Variants in SIRT3 observed in about 807,000 individuals in gnomAD.
SIRT3 encodes NAD-dependent protein deacetylase sirtuin-3, mitochondrial.
SIRT3 carries 26 observed loss-of-function variants against 33.5 expected under a neutral mutation model. That is an observed-to-expected ratio of 0.78 (90% CI 0.57 to 1.08). The LOEUF is 1.08. Among genes scored for constraint, SIRT3 ranks in the 50% least tolerant of loss-of-function variants. The pLI, the probability that SIRT3 is intolerant of heterozygous loss-of-function variation, is 0.00. For synonymous variants in SIRT3, 237 were observed against 222.1 expected, an observed-to-expected ratio of 1.07 and a Z score of -0.60; for missense variants, 585 against 530.1, an observed-to-expected ratio of 1.10 and a Z score of -1.02.
intron 1 of SIRT3, among the ~76,000 whole-genome samples, chr11:234,213 A>T (rs1858540138): frequency 6.6e-6 from 1 of 152,206 alleles, no homozygotes; most frequent in African/African-American, 2.4e-5. Flanking sequence ...CATGGTGTGA[A>T]ATTCACTGGG....
chr11:225,076 C>CAA (rs199979288), intron 4 of SIRT3, among the ~76,000 whole-genome samples: 3 of 132,812 alleles, frequency 2.3e-5, no homozygotes, highest in Non-Finnish European at 4.9e-5. Context: ...TGGGGTATAG[C>CAA]AAAAAAAAAA....
intron 5 of SIRT3, among the ~76,000 whole-genome samples, chr11:220,161 C>G (rs982597410): frequency 6.6e-6 from 1 of 151,820 alleles, no homozygotes; most frequent in African/African-American, 2.4e-5. Context: ...GAAACCACGT[C>G]TCTACTAAAA....
chr11:221,520 C>T (rs1856441478), intron 5 of SIRT3, among the ~76,000 whole-genome samples: 1 of 152,200 alleles, frequency 6.6e-6, no homozygotes, highest in African/African-American at 2.4e-5. Context: ...TGTTAAAGCT[C>T]TTGTGGCTGA....
At chr11:218,662 G>A in intron 6 of SIRT3, 170 bp downstream of exon 6, 1 of 1,195,094 alleles carries the variant, frequency 8.4e-7, no homozygotes, top group African/African-American at 1.5e-5. Flanking sequence ...CTAAATGGAG[G>A]TATTGAAAGT....
chr11:218,985 G>C lies in SIRT3; in HGVS notation c.1026C>G (p.Leu342=). ...EAVRSSVPRL[L]INRDLVGPLA... is the part of the protein sequence containing the mutation. ...AGGGCCCCACCAAGTCCCGGTTGAT[G>C]AGCAGTCGGGGAACTGAGCTCCGCA... The change falls in exon 6 of 7, where the codon CTC becomes CTG. Residue 342 remains leucine, a synonymous_variant. Transcript: ENST00000382743. The C allele has an allele frequency of 6.2e-7, 1 of 1,614,142 alleles. No homozygotes were observed. Among genetic ancestry groups the C allele is most frequent in the Non-Finnish European group, 8.5e-7 (1 of 1,180,030 alleles).
intron 1 of SIRT3, among the ~76,000 whole-genome samples, chr11:234,615 CTG>C (rs1858658227): frequency 6.6e-6 from 1 of 152,092 alleles, no homozygotes; most frequent in Non-Finnish European, 1.5e-5. Flanking sequence ...CGGGGTTTCA[CTG>C]TGTTAGCCAG....
At chr11:235,524 TCAG>T (rs1319875435) in intron 1 of SIRT3, among the ~76,000 whole-genome samples, 2 of 152,240 alleles carry the variant, frequency 1.3e-5, no homozygotes, top group Non-Finnish European at 2.9e-5. Flanking sequence ...ACCAACATTT[TCAG>T]CAGTTGTGTC....
Position 231,973 on chromosome 11 carries a change from G to A in SIRT3, c.706+1010C>T, listed in dbSNP as rs80330213. Among the ~76,000 whole-genome samples, 186 of 151,848 alleles carry A rather than the reference G, an allele frequency of 1.2e-3. 2 individuals are homozygous for A. Among genetic ancestry groups the A allele is most frequent in the African/African-American group, 4.3e-3 (177 of 41,434 alleles). ...CCGTTAGGTGCACGGCCAGAAGTTG[G>A]CACAACCTGTGAATCGCTGGTTTGG... On this transcript the variant is annotated intron_variant, in intron 3 of 6. Coordinates refer to ENST00000382743, the MANE Select transcript of SIRT3 (RefSeq NM_012239.6).
At chr11:232,911 C>A in intron 3 of SIRT3, 72 bp downstream of exon 3, 1 of 1,450,198 alleles carries the variant, frequency 6.9e-7, no homozygotes, top group South Asian at 1.2e-5. Context: ...GGCACCCGAG[C>A]CTCCCTGGGA....
intron 4 of SIRT3, among the ~76,000 whole-genome samples, chr11:226,973 A>T (rs1204707113): frequency 6.6e-6 from 1 of 151,010 alleles, no homozygotes; most frequent in Non-Finnish European, 1.5e-5. Flanking sequence ...GGCTGGTCTC[A>T]AACTCCTGAC....
rs11246020 is a variant in SIRT3 at position 233,067 on chromosome 11, C to A, written c.622G>T (p.Val208Phe). 1 of 1,613,938 alleles carries A rather than the reference C, an allele frequency of 6.2e-7. No individual in the cohort carries two copies. The highest frequency in any genetic ancestry group is 8.5e-7 in the Non-Finnish European group (1 of 1,179,954). The change falls in exon 3 of 7, where the codon GTC becomes TTC. Residue 208 changes from valine to phenylalanine, a missense_variant. By Grantham distance (50) the Val-to-Phe change is conservative. Transcript: ENST00000382743. ...AGCAGCCGGAGAAAGTAGTGAGTGA[C>A]GTTGGGCTTGTAGTTTCCAGGGTAC... ...ELYPGNYKPN[V>F]THYFLRLLHD...
At chr11:218,646 T>C in intron 6 of SIRT3, 186 bp downstream of exon 6, 1 of 1,103,012 alleles carries the variant, frequency 9.1e-7, no homozygotes, top group South Asian at 1.6e-5. Flanking sequence ...ATCTGTTTCC[T>C]CATCTCTAAA....
intron 3 of SIRT3, among the ~76,000 whole-genome samples, chr11:231,428 C>G (rs1857992409): frequency 1.3e-5 from 2 of 152,252 alleles, no homozygotes; most frequent in Middle Eastern, 6.8e-3. Flanking sequence ...GAGCCAAGAC[C>G]CTGTCTCAAA....
chr11:228,449 G>T (rs1172111346), intron 4 of SIRT3, among the ~76,000 whole-genome samples: 1 of 152,184 alleles, frequency 6.6e-6, no homozygotes, highest in East Asian at 1.9e-4. Context: ...CAATGGAATA[G>T]AATTGAGACT....
chr11:236,798 GC>G, upstream of SIRT3: 6 of 552,792 alleles, frequency 1.1e-5, no homozygotes, highest in South Asian at 1.3e-4. Flanking sequence ...GACCACAGGC[GC>G]CCACACTCTT....
rs149887273 is a variant in SIRT3 at position 218,942 on chromosome 11, T to G, written c.1069A>C (p.Ser357Arg). Residue 357 changes from serine to arginine, a missense_variant, in exon 6 of 7, where the codon AGC becomes CGC. By Grantham distance (110) the Ser-to-Arg change is moderately radical. Coordinates refer to ENST00000382743, the MANE Select transcript of SIRT3 (RefSeq NM_012239.6). ...LVGPLAWHPR[S>R]RDVAQLGDVV... ...TCCCCCAGCTGGGCCACGTCCCTGC[T>G]GCGAGGATGCCAAGCCAAGGGCCCC... 7 of 1,614,044 alleles carry G rather than the reference T, an allele frequency of 4.3e-6. No homozygotes were observed. Among genetic ancestry groups the G allele is most frequent in the Admixed American group, 3.3e-5 (2 of 60,000 alleles).
Position 223,701 on chromosome 11 carries a change from T to A in SIRT3, c.969+377A>T. On this transcript the variant is annotated intron_variant, in intron 5 of 6. Coordinates refer to ENST00000382743, the MANE Select transcript of SIRT3 (RefSeq NM_012239.6). This position sits in a 1 kb window ranked among gnomAD's most constrained non-coding sequence, Gnocchi z 4.8. ...AAAGCCCAGCAGCTTCCCACCTTCC[T>A]GTCTCCTGCACAGGCTGCTGCTCCC... is the stretch of plus-strand genomic sequence containing the variant. 1.5e-6 allele frequency: 1 copy of A among 659,528 alleles called. No individual in the cohort carries two copies. The allele number at this position is 659,528 out of a possible 1,614,324, so 40.9% of individuals were successfully genotyped here.
chr11:220,403 A>T (rs1436333350), intron 5 of SIRT3, among the ~76,000 whole-genome samples: 1 of 151,344 alleles, frequency 6.6e-6, no homozygotes, highest in Non-Finnish European at 1.5e-5. Context: ...AATTTATACT[A>T]AAATTAAAAC....
Position 223,476 on chromosome 11 carries a change from C to G in SIRT3, c.969+602G>C. ...CTCCTGGCACTGCTTGCTCCACTCT[C>G]CACTCCCCAAAGGCCTCCCTGACCC... On this transcript the variant is annotated intron_variant, in intron 5 of 6. Transcript: ENST00000382743. This position sits in a 1 kb window ranked among gnomAD's most constrained non-coding sequence, Gnocchi z 4.8. The G allele has an allele frequency of 3.3e-6, 1 of 303,304 alleles. No homozygotes were observed. Among genetic ancestry groups the G allele is most frequent in the Non-Finnish European group, 6.5e-6 (1 of 153,028 alleles). The allele number at this position is 303,304 out of a possible 1,614,324, so 18.8% of individuals were successfully genotyped here.
Sources: gnomAD v4.1 joint callset for allele counts (sites outside exome capture counted in the v4.1 genomes callset) on GRCh38, gnomAD v4.1.1 for gene constraint, Gnocchi (gnomAD v3.1) non-coding constraint, MANE v1.5 for transcripts, NCBI Gene and HGNC (gene_info 2026-07-23, HGNC 2026-07-21) for gene names.